COL23A1: variants seen among roughly 807,000 people sequenced by gnomAD.
COL23A1 encodes collagen type XXIII alpha 1 chain.
In COL23A1, 97 loss-of-function variants were observed where a neutral mutation model predicts 99.3. The observed-to-expected ratio is 0.98, with a 90% confidence interval of 0.83 to 1.16. COL23A1 has a LOEUF of 1.16. Among genes scored for constraint, COL23A1 ranks in the 50% most tolerant of loss-of-function variants. COL23A1 has a pLI of 0.00. For missense variants in COL23A1, 762 were observed against 757.4 expected, an observed-to-expected ratio of 1.01 and a Z score of -0.07; for synonymous variants, 320 against 308.2, an observed-to-expected ratio of 1.04 and a Z score of -0.40.
intron 3 of COL23A1, among the ~76,000 whole-genome samples, chr5:178,299,511 G>A (rs73344809): frequency 2.1e-3 from 325 of 152,138 alleles, no homozygotes; most frequent in African/African-American, 7.3e-3. Flanking sequence ...TTTCAGCCCT[G>A]ATTTTGGTAA....
At chr5:178,520,057 G>GTGGATGGA (rs572272226) in intron 2 of COL23A1, among the ~76,000 whole-genome samples, 1 of 152,026 alleles carries the variant, frequency 6.6e-6, no homozygotes, top group Non-Finnish European at 1.5e-5. Context: ...AGATGCATGG[G>GTGGATGGA]TGGATGGATG....
intron 2 of COL23A1, among the ~76,000 whole-genome samples, chr5:178,510,376 T>C (rs966544120): frequency 4.6e-5 from 7 of 152,178 alleles, no homozygotes; most frequent in African/African-American, 1.2e-4. Context: ...ACCCTGTCTC[T>C]ACTAAAAATA....
intron 2 of COL23A1, among the ~76,000 whole-genome samples, chr5:178,379,277 TA>T (rs2127733844): frequency 6.6e-6 from 1 of 152,104 alleles, no homozygotes; most frequent in South Asian, 2.1e-4. Context: ...ACTTGAAAGG[TA>T]TCTCATGAGT....
chr5:178,580,957 G>C (rs868018761), intron 1 of COL23A1, among the ~76,000 whole-genome samples: 7 of 152,134 alleles, frequency 4.6e-5, no homozygotes, highest in Non-Finnish European at 8.8e-5. Context: ...GCAGTGAGCT[G>C]TCATCACACC....
intron 2 of COL23A1, among the ~76,000 whole-genome samples, chr5:178,460,822 A>T (rs973608083): frequency 3.3e-5 from 5 of 152,254 alleles, no homozygotes; most frequent in Non-Finnish European, 7.4e-5. Flanking sequence ...GGACAAAAAT[A>T]AAAAAACAAG....
chr5:178,556,773 T>C (rs1200150132), intron 2 of COL23A1, among the ~76,000 whole-genome samples: 3 of 151,182 alleles, frequency 2.0e-5, no homozygotes, highest in African/African-American at 7.3e-5. Context: ...GCCAACATGA[T>C]GAAACCCCGT....
intron 2 of COL23A1, among the ~76,000 whole-genome samples, chr5:178,424,193 T>A (rs1765781873): frequency 6.6e-6 from 1 of 152,220 alleles, no homozygotes; most frequent in African/African-American, 2.4e-5. Context: ...CATTCATGCA[T>A]CCTGCATTCA....
chr5:178,434,766 G>A lies in COL23A1; in HGVS notation c.361+125916C>T, dbSNP rs1212809402. Among the ~76,000 whole-genome samples the A allele has an allele frequency of 1.3e-5, 2 of 152,244 alleles. No homozygotes were observed. Among genetic ancestry groups the A allele is most frequent in the East Asian group, 1.9e-4 (1 of 5,198 alleles). Reference sequence around the variant, plus strand: ...GAGGAAACTGAGGCCTGGGATGGTGGAGGGCTGTGGGGTATCATTTTCTTA... The same window carrying A: ...GAGGAAACTGAGGCCTGGGATGGTGAAGGGCTGTGGGGTATCATTTTCTTA... On this transcript the variant is annotated intron_variant, in intron 2 of 28. Coordinates refer to ENST00000390654, the MANE Select transcript of COL23A1 (RefSeq NM_173465.4). The surrounding 1 kb of genome is among the most constrained non-coding windows in gnomAD (Gnocchi z 4.3).
At chr5:178,299,782 C>T (rs959587598) in intron 3 of COL23A1, among the ~76,000 whole-genome samples, 1 of 151,966 alleles carries the variant, frequency 6.6e-6, no homozygotes, top group African/African-American at 2.4e-5. Context: ...GAGACTGAGA[C>T]TGGCTCTGTC....
intron 2 of COL23A1, among the ~76,000 whole-genome samples, chr5:178,504,526 G>A (rs553710501): frequency 2.0e-5 from 3 of 152,294 alleles, no homozygotes; most frequent in Non-Finnish European, 2.9e-5. Context: ...AAGGTTTGAG[G>A]TGTGGGCTCA....
At position 178,307,390 on chromosome 5, in the gene COL23A1, A is replaced by C. The variant is rs1045343775; in HGVS notation, c.362-471T>G. On this transcript the variant is annotated intron_variant, in intron 2 of 28. Transcript: ENST00000390654. The surrounding 1 kb of genome is among the most constrained non-coding windows in gnomAD (Gnocchi z 4.2). ...AACAAAGAGGCCATCACGGCCGCGC[A>C]GCGCCGAAATCCACTCATGACAGGC... Among the ~76,000 whole-genome samples, 6 of 152,252 alleles carry C rather than the reference A, an allele frequency of 3.9e-5. No homozygotes were observed. Among genetic ancestry groups the C allele is most frequent in the African/African-American group, 1.2e-4 (5 of 41,464 alleles).
chr5:178,554,560 G>A (rs923823757), intron 2 of COL23A1, among the ~76,000 whole-genome samples: 2 of 152,156 alleles, frequency 1.3e-5, no homozygotes, highest in African/African-American at 2.4e-5. Flanking sequence ...AGCCGTCACC[G>A]GAAGAGTCTG....
intron 2 of COL23A1, among the ~76,000 whole-genome samples, chr5:178,380,546 T>C (rs1468339651): frequency 6.6e-6 from 1 of 152,200 alleles, no homozygotes; most frequent in Non-Finnish European, 1.5e-5. Context: ...CAGTCGCAGT[T>C]GATTTCACTC....
At chr5:178,483,577 T>C (rs1474955631) in intron 2 of COL23A1, among the ~76,000 whole-genome samples, 1 of 152,264 alleles carries the variant, frequency 6.6e-6, no homozygotes, top group Non-Finnish European at 1.5e-5. Flanking sequence ...CAGTTTTAAA[T>C]AATTACATAA....
chr5:178,490,232 AAAC>A (rs1173069719), intron 2 of COL23A1, among the ~76,000 whole-genome samples: 60 of 151,166 alleles, frequency 4.0e-4, no homozygotes, highest in African/African-American at 1.3e-3. Context: ...ATCTCAAAAA[AAAC>A]AAAAAACAAA....
intron 2 of COL23A1, among the ~76,000 whole-genome samples, chr5:178,448,850 A>G (rs1767319243): frequency 6.6e-6 from 1 of 151,778 alleles, no homozygotes; most frequent in African/African-American, 2.4e-5. Flanking sequence ...CCTCAGAAAC[A>G]CTGAATCTGC....
chr5:178,446,730 C>T (rs115659612), intron 2 of COL23A1, among the ~76,000 whole-genome samples: 2,689 of 152,132 alleles, frequency 0.018, 76 homozygotes, highest in African/African-American at 0.059. Context: ...GAATCTATCC[C>T]AAAGAAATAC....
At chr5:178,578,131 A>G (rs1763484669) in intron 1 of COL23A1, among the ~76,000 whole-genome samples, 1 of 147,130 alleles carries the variant, frequency 6.8e-6, no homozygotes, top group Non-Finnish European at 1.5e-5. Flanking sequence ...GCACACACAC[A>G]CATGCATGCA....
At chr5:178,363,553 C>T (rs1762289756) in intron 2 of COL23A1, among the ~76,000 whole-genome samples, 1 of 152,208 alleles carries the variant, frequency 6.6e-6, no homozygotes, top group Non-Finnish European at 1.5e-5. Flanking sequence ...CAAATGTCTC[C>T]TTTTCAGACA....
Sources: gnomAD v4.1 joint callset for allele counts (sites outside exome capture counted in the v4.1 genomes callset) on GRCh38, gnomAD v4.1.1 for gene constraint, Gnocchi (gnomAD v3.1) non-coding constraint, MANE v1.5 for transcripts, NCBI Gene and HGNC (gene_info 2026-07-23, HGNC 2026-07-21) for gene names.